Variants in SIRPA observed in about 807,000 individuals in gnomAD.
SIRPA encodes signal regulatory protein alpha.
A neutral mutation model predicts 50.3 loss-of-function variants in SIRPA; 9 were observed. The observed-to-expected ratio is 0.18, with a 90% CI of 0.11 to 0.31. The LOEUF (loss-of-function observed/expected upper bound fraction) is 0.31. Among genes scored for constraint, SIRPA ranks in the 10% least tolerant of loss-of-function variants. The pLI is 1.00. For missense variants in SIRPA, 474 were observed against 661.6 expected (o/e 0.72, Z 3.11); for synonymous variants, 265 against 284.1 (o/e 0.93, Z 0.68).
intron 2 of SIRPA, among the ~76,000 whole-genome samples, chr20:1,920,466 G>A (rs1325050296): frequency 3.9e-5 from 6 of 152,286 alleles, no homozygotes; most frequent in East Asian, 1.9e-4. Context: ...GAAACAGCCC[G>A]CGTTCTGATT....
In SIRPA at chr20:1,938,874, G is replaced by C. The variant is rs1040501187; in HGVS notation, c.*1306G>C. On this transcript the variant is annotated 3_prime_UTR_variant, in exon 8 of 8. Transcript: ENST00000358771. ...GCACTTTAGGAACACACAGAGGGTAGGGATAGTGGCCCTGGCCGTCTATCC... is the reference window on the plus strand; with the variant it reads ...GCACTTTAGGAACACACAGAGGGTACGGATAGTGGCCCTGGCCGTCTATCC... 3 of 152,684 alleles carry C rather than the reference G, an allele frequency of 2.0e-5. No homozygotes were observed. Among genetic ancestry groups the C allele is most frequent in the Non-Finnish European group, 4.4e-5 (3 of 68,058 alleles). The allele number at this position is 152,684 out of a possible 1,614,324, so 9.5% of individuals were successfully genotyped here.
At chr20:1,923,290 C>T (rs564602852) in intron 4 of SIRPA, among the ~76,000 whole-genome samples, 65 of 152,356 alleles carry the variant, frequency 4.3e-4, no homozygotes, top group African/African-American at 1.5e-3. Context: ...GTGTACATCT[C>T]TTTTGTTTTC....
In SIRPA at chr20:1,934,592, T is replaced by C; in HGVS notation, c.1227-123T>C. 3 of 837,948 alleles carry C rather than the reference T, an allele frequency of 3.6e-6. No individual in the cohort carries two copies. Among genetic ancestry groups the C allele is most frequent in the Admixed American group, 2.3e-5 (1 of 43,168 alleles). 51.9% of individuals were successfully genotyped at this position (837,948 alleles called of 1,614,324 possible). A position where few individuals can be genotyped will look rare whatever the true frequency, so the allele number is the denominator to read the frequency against. ...TTGATATGCAGTTGTATTTCTGTTA[T>C]GAGTCCTTCGTTCATGTCCTCAACC... On this transcript the variant is annotated intron_variant, in intron 6 of 7. Transcript: ENST00000358771. The surrounding 1 kb of genome is among the most constrained non-coding windows in gnomAD (Gnocchi z 4.6).
chr20:1,925,804 A>G (rs186757794), intron 5 of SIRPA, among the ~76,000 whole-genome samples: 1 of 152,180 alleles, frequency 6.6e-6, no homozygotes, highest in Non-Finnish European at 1.5e-5. Flanking sequence ...CCATAAATAC[A>G]TGTTCTCTTT....
chr20:1,895,327 G>C (rs1983719265), upstream of SIRPA: 2 of 609,408 alleles, frequency 3.3e-6, no homozygotes, highest in Non-Finnish European at 4.9e-6. Flanking sequence ...TCCGGAGTCG[G>C]GGGGAGGCCC....
rs1191827375 is a variant in SIRPA, at chr20:1,939,415, C to G, written c.*1847C>G. ...CTGAGCCAACAGACCATGTGGACAG[C>G]TTTGGCCAGAGCTCCCGTGTGGCAT... On this transcript the variant is annotated 3_prime_UTR_variant, in exon 8 of 8. Transcript: ENST00000358771. The surrounding 1 kb of genome is among the most constrained non-coding windows in gnomAD (Gnocchi z 4.7). 1 of 152,192 alleles carries G rather than the reference C, an allele frequency of 6.6e-6. No individual in the cohort carries two copies. Among genetic ancestry groups the G allele is most frequent in the African/African-American group, 2.4e-5 (1 of 41,440 alleles). The allele number at this position is 152,192 out of a possible 1,614,324, so 9.4% of individuals were successfully genotyped here.
intron 1 of SIRPA, among the ~76,000 whole-genome samples, chr20:1,895,904 A>T (rs1983779310): frequency 6.6e-6 from 1 of 152,214 alleles, no homozygotes; most frequent in Non-Finnish European, 1.5e-5. Flanking sequence ...CCCCATGGAC[A>T]TACGACTTTC....
At chr20:1,926,741 A>G (rs112042382) in intron 5 of SIRPA, among the ~76,000 whole-genome samples, 179 of 152,324 alleles carry the variant, frequency 1.2e-3, no homozygotes, top group African/African-American at 3.9e-3. Flanking sequence ...AGGGCCTCAC[A>G]GCCAGGAGGT....
chr20:1,931,400 TA>T (rs1415615086), intron 6 of SIRPA, among the ~76,000 whole-genome samples: 1 of 147,354 alleles, frequency 6.8e-6, no homozygotes. Flanking sequence ...TCTCTTGTAC[TA>T]AAGCTAGTGC....
chr20:1,940,171 A>G lies in SIRPA; in HGVS notation c.*2603A>G, dbSNP rs1600474872. ...GCTTTGTAGCTGTGGGAGTTCAAAC[A>G]GCACCTCTTTGAGACTTGGGCCCCG... On this transcript the variant is annotated 3_prime_UTR_variant, in exon 8 of 8. Transcript: ENST00000358771. 6.6e-6 allele frequency: 1 copy of G among 152,364 alleles called. No individual in the cohort carries two copies. Among genetic ancestry groups the G allele is most frequent in the East Asian group, 1.9e-4 (1 of 5,192 alleles). The allele number at this position is 152,364 out of a possible 1,614,324, so 9.4% of individuals were successfully genotyped here.
chr20:1,897,813 A>C (rs1341382021), intron 1 of SIRPA, among the ~76,000 whole-genome samples: 1 of 152,238 alleles, frequency 6.6e-6, no homozygotes, highest in Non-Finnish European at 1.5e-5. Context: ...GATTGCTTTT[A>C]GCACAAATGC....
intron 2 of SIRPA, among the ~76,000 whole-genome samples, chr20:1,918,670 TG>T (rs890081542): frequency 6.6e-6 from 1 of 152,086 alleles, no homozygotes; most frequent in African/African-American, 2.4e-5. Context: ...TAGTAAGCAA[TG>T]GGGTTTTCCC....
chr20:1,929,855 C>G (rs1301563568), intron 6 of SIRPA, among the ~76,000 whole-genome samples: 1 of 152,212 alleles, frequency 6.6e-6, no homozygotes, highest in African/African-American at 2.4e-5. Flanking sequence ...GTGGCTCTAC[C>G]TGTCCCTCCA....
chr20:1,908,776 C>A (rs1024540486), intron 1 of SIRPA, among the ~76,000 whole-genome samples: 6 of 152,166 alleles, frequency 3.9e-5, no homozygotes, highest in Admixed American at 3.9e-4. Context: ...CTCATGTTCA[C>A]GTGTTCTATT....
rs926416907 is a variant in SIRPA, at chr20:1,927,459, G to A, written c.1202-416G>A. 1.3e-5 allele frequency among the ~76,000 whole-genome samples: 2 copies of A among 152,180 alleles called. No homozygotes were observed. Among genetic ancestry groups the A allele is most frequent in the African/African-American group, 2.4e-5 (1 of 41,434 alleles). ...TGGTGAGTGAGTGGGTAGCAGACCC[G>A]GGGTTCACACATGATCCCCGATTTG... On this transcript the variant is annotated intron_variant, in intron 5 of 7. Transcript: ENST00000358771. The surrounding 1 kb of genome is among the most constrained non-coding windows in gnomAD (Gnocchi z 6.5).
At chr20:1,906,622 G>A (rs1294323760) in intron 1 of SIRPA, among the ~76,000 whole-genome samples, 1 of 152,152 alleles carries the variant, frequency 6.6e-6, no homozygotes, top group African/African-American at 2.4e-5. Context: ...AGGCCCCTGG[G>A]GCCACTGTAA....
chr20:1,900,605 T>A (rs1984131247), intron 1 of SIRPA, among the ~76,000 whole-genome samples: 1 of 152,200 alleles, frequency 6.6e-6, no homozygotes, highest in Admixed American at 6.5e-5. Context: ...ATCCAGTGCC[T>A]TATGGTGCGG....
At chr20:1,930,677 G>T (rs1375619173) in intron 6 of SIRPA, among the ~76,000 whole-genome samples, 1 of 152,100 alleles carries the variant, frequency 6.6e-6, no homozygotes, top group Non-Finnish European at 1.5e-5. Flanking sequence ...CACAACCTCC[G>T]CTTCCTAGGT....
chr20:1,912,166 T>C (rs993432847), intron 1 of SIRPA, among the ~76,000 whole-genome samples: 2 of 151,856 alleles, frequency 1.3e-5, no homozygotes, highest in African/African-American at 4.8e-5. Context: ...CAGATTTTAT[T>C]GTCGCCTGCC....
Sources: gnomAD v4.1 joint callset for allele counts (sites outside exome capture counted in the v4.1 genomes callset) on GRCh38, gnomAD v4.1.1 for gene constraint, Gnocchi (gnomAD v3.1) non-coding constraint, MANE v1.5 for transcripts, NCBI Gene and HGNC (gene_info 2026-07-23, HGNC 2026-07-21) for gene names.